CNDP2: variants seen among roughly 807,000 people sequenced by gnomAD.
CNDP2 encodes carnosine dipeptidase 2.
In CNDP2, 38 loss-of-function variants were observed where a neutral mutation model predicts 55.0. The ratio of observed to expected loss-of-function variants is 0.69; its 90% confidence interval spans 0.53 to 0.90. CNDP2 has a LOEUF of 0.90. CNDP2 is among the 40% of genes least tolerant of loss of function. CNDP2 has a pLI of 0.00. For missense variants in CNDP2, 607 were observed against 621.7 expected (o/e 0.98, Z 0.25); for synonymous variants, 241 against 260.2 (o/e 0.93, Z 0.71).
At chr18:74,512,329 C>A (rs754517943) in intron 6 of CNDP2, 119 bp from the exon 7 acceptor site, 73 of 900,538 alleles carry the variant, frequency 8.1e-5, no homozygotes, top group Non-Finnish European at 1.1e-4. Context: ...CCTGAGGGAG[C>A]AAATTTTGAT....
Position 74,521,244 on chromosome 18 carries a change from T to C in CNDP2, c.*1176T>C, listed in dbSNP as rs1047346406. 6.6e-6 allele frequency: 1 copy of C among 152,218 alleles called. No individual in the cohort carries two copies. The highest frequency in any genetic ancestry group is 1.5e-5 in the Non-Finnish European group (1 of 68,108). 9.4% of individuals were successfully genotyped at this position (152,218 alleles called of 1,614,324 possible). On this transcript the variant is annotated 3_prime_UTR_variant, in exon 12 of 12. Transcript: ENST00000324262. ...CAGGACCCGGAAAACAGAACCCAGG[T>C]CTTCCCAGGCGAGCACTCCCTCCCT... is the stretch of plus-strand genomic sequence containing the variant.
chr18:74,508,952 G>C (rs370164869), intron 5 of CNDP2, 24 bp downstream of exon 5: 22 of 1,599,334 alleles, frequency 1.4e-5, no homozygotes, highest in Non-Finnish European at 1.9e-5. Context: ...GCTGACTTCT[G>C]CCTGAGTCCT....
chr18:74,499,975 TGGC>T lies in CNDP2; in HGVS notation c.6_8del (p.Ala3?), dbSNP rs1568276369. On this transcript the variant is annotated start_lost and inframe_deletion, in exon 2 of 12. Coordinates refer to ENST00000324262, the MANE Select transcript of CNDP2 (RefSeq NM_018235.3). The stretch of plus-strand genomic sequence containing the variant: ...TGCGGTCTGGGGTCTGGTTGAAAGA[TGGC>T]GGCCCTCACTACCCTGTTTAAGTAC... 1 of 1,614,122 alleles carries T rather than the reference TGGC, an allele frequency of 6.2e-7. No homozygotes were observed. The highest frequency in any genetic ancestry group is 8.5e-7 in the Non-Finnish European group (1 of 1,179,984).
At chr18:74,519,151 C>A (rs956941140) in intron 11 of CNDP2, 55 bp downstream of exon 11, 2 of 1,527,554 alleles carry the variant, frequency 1.3e-6, no homozygotes, top group African/African-American at 2.8e-5. Context: ...GTCCCTCTCG[C>A]CCCTTCCCCT....
chr18:74,508,713 C>T, intron 4 of CNDP2, 127 bp from the exon 5 acceptor site: 2 of 695,418 alleles, frequency 2.9e-6, no homozygotes, highest in Non-Finnish European at 5.1e-6. Context: ...ATTGGGGGCT[C>T]CTGATCGGAA....
chr18:74,505,257 C>T (rs1421000047), intron 3 of CNDP2: 2 of 152,202 alleles, frequency 1.3e-5, no homozygotes, highest in Non-Finnish European at 2.9e-5. Flanking sequence ...CGAACTCAGC[C>T]TGCGTGTTTT....
intron 11 of CNDP2, among the ~76,000 whole-genome samples, chr18:74,519,515 C>T (rs1470989349): frequency 6.6e-6 from 1 of 152,146 alleles, no homozygotes; most frequent in Non-Finnish European, 1.5e-5. Flanking sequence ...CAGGAGGGGC[C>T]CACCAGGCAG....
At chr18:74,511,532 C>A (rs1979351201) in intron 6 of CNDP2, among the ~76,000 whole-genome samples, 1 of 151,938 alleles carries the variant, frequency 6.6e-6, no homozygotes, top group South Asian at 2.1e-4. Context: ...CATGGTGAAA[C>A]CCCGTCTCCA....
chr18:74,501,613 G>A (rs142843369), intron 3 of CNDP2, 141 bp downstream of exon 3: 183 of 1,119,978 alleles, frequency 1.6e-4, no homozygotes, highest in Admixed American at 4.4e-4. Context: ...GGCCTGATTT[G>A]GATGGTAAGT....
Position 74,500,742 on chromosome 18 carries a change from A to G in CNDP2, c.61-587A>G, listed in dbSNP as rs1046991212. Among the ~76,000 whole-genome samples, 7 of 152,244 alleles carry G rather than the reference A, an allele frequency of 4.6e-5. No homozygotes were observed. In the East Asian group the frequency reaches 7.7e-4, roughly 17 times the overall value. ...GGAAGGGCTTTATTCAGCTGGGAGC[A>G]TCGGCAAGCTACTGCCTTAAAATCC... On this transcript the variant is annotated intron_variant, in intron 2 of 11. Transcript: ENST00000324262.
At chr18:74,499,783 C>T in intron 1 of CNDP2, 99 bp from the exon 2 acceptor site, 1 of 458,046 alleles carries the variant, frequency 2.2e-6, no homozygotes, top group Non-Finnish European at 3.9e-6. Flanking sequence ...GTCTCTGAAG[C>T]CGCAGTCACT....
In CNDP2 at chr18:74,501,576, C is replaced by T. The variant is rs577915191; in HGVS notation, c.204+104C>T. On this transcript the variant is annotated intron_variant, in intron 3 of 11. Coordinates refer to ENST00000324262, the MANE Select transcript of CNDP2 (RefSeq NM_018235.3). ...AAAAGATCTTTTGCTTCACATACCCCACTCACCTTTAAAACAAAAAAGGAA... is the reference window on the plus strand; with the variant it reads ...AAAAGATCTTTTGCTTCACATACCCTACTCACCTTTAAAACAAAAAAGGAA... 21 of 1,409,690 alleles carry T rather than the reference C, an allele frequency of 1.5e-5. No homozygotes were observed. The Admixed American group carries it at 4.8e-4, about 32-fold the overall frequency. The allele number at this position is 1,409,690 out of a possible 1,614,324, so 87.3% of individuals were successfully genotyped here.
chr18:74,512,952 C>T (rs1446967269), intron 7 of CNDP2, among the ~76,000 whole-genome samples: 2 of 152,252 alleles, frequency 1.3e-5, no homozygotes, highest in Non-Finnish European at 2.9e-5. Context: ...TGAGAGCGGG[C>T]ATAGCCCATC....
intron 1 of CNDP2, among the ~76,000 whole-genome samples, chr18:74,498,570 A>T (rs1459425064): frequency 1.3e-5 from 2 of 152,226 alleles, no homozygotes; most frequent in Admixed American, 6.5e-5. Context: ...GCATTTAATA[A>T]CCAGGAACCC....
rs138702170 is a variant in CNDP2 at position 74,499,167 on chromosome 18, C to T, written c.-92-715C>T. Among the ~76,000 whole-genome samples the T allele has an allele frequency of 7.8e-3, 1,184 of 152,308 alleles. 15 individuals carry two copies. The highest frequency in any genetic ancestry group is 0.027 in the African/African-American group (1,110 of 41,554). On this transcript the variant is annotated intron_variant, in intron 1 of 11. Coordinates refer to ENST00000324262, the MANE Select transcript of CNDP2 (RefSeq NM_018235.3). The stretch of plus-strand genomic sequence containing the variant: ...TGTCCCCGCAGTTTTGAATTTGCTC[C>T]GTACAGCTGTGTGCTTTCTGCTGCG...
rs72977780 is a variant in CNDP2 at position 74,511,370 on chromosome 18, G to A, written c.657+357G>A. The A allele has an allele frequency of 1.8e-3, 413 of 234,284 alleles. 3 individuals carry two copies. The highest frequency in any genetic ancestry group is 2.5e-3 in the Non-Finnish European group (297 of 119,420). The allele number at this position is 234,284 out of a possible 1,614,324, so 14.5% of individuals were successfully genotyped here. A position where few individuals can be genotyped will look rare whatever the true frequency, so the allele number is the denominator to read the frequency against. ...TGAAGGTGGAAATATTTATATGTTAGCACTTAGGCTCCTTATCCCATGACT... is the reference window on the plus strand; with the variant it reads ...TGAAGGTGGAAATATTTATATGTTAACACTTAGGCTCCTTATCCCATGACT... On this transcript the variant is annotated intron_variant, in intron 6 of 11. Coordinates refer to ENST00000324262, the MANE Select transcript of CNDP2 (RefSeq NM_018235.3).
intron 1 of CNDP2, 143 bp from the exon 2 acceptor site, chr18:74,499,739 T>G (rs1978584759): frequency 2.4e-6 from 1 of 416,130 alleles, no homozygotes; most frequent in Non-Finnish European, 4.3e-6. Flanking sequence ...AAGGGAAGTT[T>G]AGCCCCAGCC....
At chr18:74,515,595 C>T (rs1450573950) in intron 8 of CNDP2, among the ~76,000 whole-genome samples, 3 of 152,194 alleles carry the variant, frequency 2.0e-5, no homozygotes, top group African/African-American at 7.2e-5. Flanking sequence ...TTTGGGGGCA[C>T]ACCTACTCTC....
chr18:74,516,159 C>T, intron 8 of CNDP2, 69 bp from the exon 9 acceptor site: 1 of 1,489,714 alleles, frequency 6.7e-7, no homozygotes, highest in Admixed American at 2.1e-5. Context: ...ACATTCCCAG[C>T]TCCTCGGTGA....
Sources: allele counts gnomAD v4.1 joint callset (sites outside exome capture counted in the v4.1 genomes callset), GRCh38; gene constraint gnomAD v4.1.1; transcripts MANE v1.5; gene names NCBI Gene and HGNC (gene_info 2026-07-23, HGNC 2026-07-21).